The following SIPA1L3 variants were observed in gnomAD, a reference collection of about 807,000 sequenced individuals.
SIPA1L3 encodes the protein signal-induced proliferation-associated 1-like protein 3.
SIPA1L3 carries 59 observed loss-of-function variants against 150.1 expected under a neutral mutation model. The ratio of observed to expected loss-of-function variants is 0.39; its 90% CI spans 0.32 to 0.49. SIPA1L3 has a LOEUF of 0.49. Among genes scored for constraint, SIPA1L3 ranks in the 20% least tolerant of loss-of-function variants. SIPA1L3 has a pLI of 0.86. For missense variants in SIPA1L3, 2,211 were observed against 2,489.5 expected, an observed-to-expected ratio of 0.89 and a Z score of 2.38; for synonymous variants, 1,070 against 1,077.6, an observed-to-expected ratio of 0.99 and a Z score of 0.14.
chr19:38,165,573 GC>G (rs1972190836), intron 15 of SIPA1L3, among the ~76,000 whole-genome samples: 1 of 152,172 alleles, frequency 6.6e-6, no homozygotes, highest in African/African-American at 2.4e-5. Flanking sequence ...CCTTTCAGCA[GC>G]TGGCATCACG....
At chr19:37,957,598 C>G (rs1399398185) in intron 1 of SIPA1L3, among the ~76,000 whole-genome samples, 2 of 151,668 alleles carry the variant, frequency 1.3e-5, no homozygotes, top group African/African-American at 4.9e-5. Context: ...CACTGTTACC[C>G]AGTCTGGAGT....
intron 12 of SIPA1L3, among the ~76,000 whole-genome samples, chr19:38,144,764 G>A (rs1971669919): frequency 6.6e-6 from 1 of 152,226 alleles, no homozygotes. Flanking sequence ...TGCTGACTGT[G>A]ATGGAGAGGA....
rs779740628 is a variant in SIPA1L3 at position 38,119,868 on chromosome 19, G to A, written c.2854G>A (p.Val952Met). 13 of 1,606,968 alleles carry A rather than the reference G, an allele frequency of 8.1e-6. No homozygotes were observed. Among genetic ancestry groups the A allele is most frequent in the Admixed American group, 1.7e-5 (1 of 59,412 alleles). The stretch of plus-strand genomic sequence containing the variant: ...TTCTGTGGAGGACATAAGGGAGATA[G>A]TGCAGAGACTGAAGGTAAGGGAGAG... ...EGSVEDIREI[V>M]QRLKVMTSGW... is the part of the protein sequence containing the mutation. The change falls in exon 9 of 22, where the codon GTG becomes ATG. Residue 952 changes from valine (V) to methionine (M), a missense_variant. This residue lies in a region of SIPA1L3 where 625 missense variants were observed against 804.2 expected (regional missense o/e 0.78). Transcript: ENST00000222345.
chr19:38,170,208 A>G (rs1972296104), intron 15 of SIPA1L3, among the ~76,000 whole-genome samples: 1 of 152,048 alleles, frequency 6.6e-6, no homozygotes, highest in Non-Finnish European at 1.5e-5. Flanking sequence ...AGAGAATGAG[A>G]CGGACTCCCA....
chr19:38,052,836 C>T (rs142747708), intron 2 of SIPA1L3, among the ~76,000 whole-genome samples: 2 of 152,310 alleles, frequency 1.3e-5, no homozygotes, highest in African/African-American at 2.4e-5. Flanking sequence ...CTCCAAGCTT[C>T]CCCCTCCCAC....
chr19:38,036,278 C>T (rs1968783629), intron 2 of SIPA1L3, among the ~76,000 whole-genome samples: 3 of 152,246 alleles, frequency 2.0e-5, no homozygotes, highest in Admixed American at 6.5e-5. Context: ...GGAAGGTTGT[C>T]AGCCCGAATT....
intron 1 of SIPA1L3, among the ~76,000 whole-genome samples, chr19:37,940,743 C>T (rs1322210794): frequency 6.6e-6 from 1 of 151,854 alleles, no homozygotes; most frequent in East Asian, 1.9e-4. Context: ...CCACGCCCAG[C>T]TAATTTTTTT....
intron 3 of SIPA1L3, chr19:38,087,635 A>G (rs1473770633): frequency 6.6e-6 from 1 of 152,364 alleles, no homozygotes; most frequent in African/African-American, 2.4e-5. Flanking sequence ...AGCATGTTTT[A>G]GAAAAAAAGA....
intron 6 of SIPA1L3, among the ~76,000 whole-genome samples, chr19:38,103,719 C>T (rs569997772): frequency 4.0e-4 from 60 of 150,960 alleles, no homozygotes; most frequent in African/African-American, 1.3e-3. Flanking sequence ...GTCAGGAGAT[C>T]GAGACCATCC....
intron 9 of SIPA1L3, among the ~76,000 whole-genome samples, chr19:38,123,824 C>A (rs1255736804): frequency 1.6e-5 from 2 of 121,328 alleles, no homozygotes; most frequent in African/African-American, 7.7e-5. Flanking sequence ...GGGCTCCTCA[C>A]TTCCCAGTAG....
chr19:38,032,530 C>A (rs1482574987), intron 2 of SIPA1L3, among the ~76,000 whole-genome samples: 1 of 152,164 alleles, frequency 6.6e-6, no homozygotes, highest in Non-Finnish European at 1.5e-5. Flanking sequence ...GAGAATAAAA[C>A]AGTAAACAGA....
chr19:38,166,446 A>G (rs1381088456), intron 15 of SIPA1L3, among the ~76,000 whole-genome samples: 1 of 147,932 alleles, frequency 6.8e-6, no homozygotes, highest in Non-Finnish European at 1.5e-5. Flanking sequence ...ACAGAGCAAG[A>G]CTCTGTCTCA....
chr19:38,067,951 C>A (rs1969633172), intron 2 of SIPA1L3, among the ~76,000 whole-genome samples: 1 of 151,878 alleles, frequency 6.6e-6, no homozygotes, highest in Non-Finnish European at 1.5e-5. Flanking sequence ...CCTGAGGGAG[C>A]TCTGTAGTGG....
At chr19:38,166,389 A>G (rs1422772467) in intron 15 of SIPA1L3, among the ~76,000 whole-genome samples, 1 of 151,492 alleles carries the variant, frequency 6.6e-6, no homozygotes, top group African/African-American at 2.4e-5. Context: ...CCCAGGAGGC[A>G]GAGGTTGCAG....
chr19:37,935,986 A>C (rs1016813675), intron 1 of SIPA1L3, among the ~76,000 whole-genome samples: 6 of 152,058 alleles, frequency 3.9e-5, no homozygotes, highest in Non-Finnish European at 7.4e-5. Context: ...GGTGACGCTC[A>C]CCTTACCCTC....
At chr19:38,084,582 A>G (rs1970081730) in intron 3 of SIPA1L3, among the ~76,000 whole-genome samples, 1 of 145,722 alleles carries the variant, frequency 6.9e-6, no homozygotes, top group South Asian at 2.2e-4. Flanking sequence ...ACGAAGTACT[A>G]GCAGCTAGTA....
chr19:38,158,985 G>A (rs575096395), intron 13 of SIPA1L3, among the ~76,000 whole-genome samples: 1 of 152,334 alleles, frequency 6.6e-6, no homozygotes, highest in South Asian at 2.1e-4. Context: ...GAGGCCGGAT[G>A]TGACTGCCAT....
chr19:38,049,800 T>C (rs1037788372), intron 2 of SIPA1L3, among the ~76,000 whole-genome samples: 1 of 152,026 alleles, frequency 6.6e-6, no homozygotes, highest in Non-Finnish European at 1.5e-5. Flanking sequence ...AGGGTCCCGC[T>C]TCCCCATACC....
At chr19:38,058,032 A>G (rs1439393643) in intron 2 of SIPA1L3, among the ~76,000 whole-genome samples, 1 of 152,042 alleles carries the variant, frequency 6.6e-6, no homozygotes. Flanking sequence ...ATTAAAAAAG[A>G]AAGAAGTCTG....
Sources: gnomAD v4.1 joint callset for allele counts (sites outside exome capture counted in the v4.1 genomes callset) on GRCh38, gnomAD v4.1.1 for gene constraint, gnomAD v4.1.1 regional missense constraint, MANE v1.5 for transcripts, NCBI Gene and HGNC (gene_info 2026-07-23, HGNC 2026-07-21) for gene names.